RP1: variants seen among roughly 807,000 people sequenced by gnomAD.
The protein encoded by RP1 is oxygen-regulated protein 1.
Under a neutral mutation model 14.8 loss-of-function variants are expected in RP1, and 16 were observed. That is an observed-to-expected ratio of 1.08 (90% CI 0.73 to 1.65). The LOEUF is 1.65. Ranked by LOEUF, RP1 falls within the 40% of genes most tolerant of loss-of-function variation. The pLI, the probability that RP1 is intolerant of heterozygous loss-of-function variation, is 0.00. For missense variants in RP1, 2,631 were observed against 2,535.0 expected (o/e 1.04, Z -0.81); for synonymous variants, 876 against 883.6 (o/e 0.99, Z 0.15).
intron 14 of RP1, among the ~76,000 whole-genome samples, chr8:54,705,224 T>A (rs1393006974): frequency 6.6e-6 from 1 of 151,302 alleles, no homozygotes; most frequent in East Asian, 1.9e-4. Context: ...CCATTGAAAA[T>A]TGTTATACTC....
chr8:54,816,011 T>C (rs1216485916), intron 24 of RP1, among the ~76,000 whole-genome samples: 1 of 152,216 alleles, frequency 6.6e-6, no homozygotes, highest in Non-Finnish European at 1.5e-5. Flanking sequence ...ACAGATCTCT[T>C]ACCTACTAGC....
intron 5 of RP1, among the ~76,000 whole-genome samples, chr8:54,654,627 T>C (rs1806718661): frequency 6.6e-6 from 1 of 152,206 alleles, no homozygotes. Flanking sequence ...CAGACCTTAG[T>C]AGGATCAGGT....
chr8:54,837,666 C>T (rs963937640), exon 25 of RP1: 57 of 1,225,200 alleles, frequency 4.7e-5, no homozygotes, highest in Middle Eastern at 6.2e-4. Context: ...AGCACCTTTG[C>T]CAGGTATATA....
chr8:54,603,387 G>A (rs978113965), intron 1 of RP1, among the ~76,000 whole-genome samples: 38 of 152,096 alleles, frequency 2.5e-4, no homozygotes, highest in South Asian at 6.2e-4. Context: ...GTTCTGTTCC[G>A]TTGGTCTATA....
At chr8:54,828,882 C>CTTTTTTTTTTTTTTTT (rs201534661) in intron 24 of RP1, among the ~76,000 whole-genome samples, 15 of 83,902 alleles carry the variant, frequency 1.8e-4, no homozygotes, top group East Asian at 3.0e-4. Context: ...TCTTCTTCTT[C>CTTTTTTTTTTTTTTTT]TTTTTTTTTT....
In RP1 at chr8:54,630,259, G is replaced by T. The variant is rs1064797346; in HGVS notation, c.6377G>T (p.Cys2126Phe). 2 of 1,613,610 alleles carry T rather than the reference G, an allele frequency of 1.2e-6. No individual in the cohort carries two copies. The highest frequency in any genetic ancestry group is 2.2e-5 in the South Asian group (2 of 91,074). ...AGCAACAGAAATATTTTAGAACTTT[G>T]TATGTTTGAGGGTGAAAATCTTTTC... ...NISNRNILEL[C>F]MFEGENLFIW... Residue 2126 changes from cysteine to phenylalanine, a missense_variant, in exon 4 of 4, where the codon TGT becomes TTT. By Grantham distance (205) the Cys-to-Phe change is radical. Transcript: ENST00000220676.
At chr8:54,652,473 G>A (rs936224695) in intron 4 of RP1, among the ~76,000 whole-genome samples, 1 of 151,844 alleles carries the variant, frequency 6.6e-6, no homozygotes, top group South Asian at 2.1e-4. Flanking sequence ...ATAGATGTTA[G>A]GTCTAGGTGG....
chr8:54,730,469 A>G (rs940488620), intron 17 of RP1, among the ~76,000 whole-genome samples: 3 of 151,852 alleles, frequency 2.0e-5, no homozygotes, highest in Non-Finnish European at 2.9e-5. Flanking sequence ...ATATAATCTG[A>G]ACAGTTTAGA....
intron 12 of RP1, among the ~76,000 whole-genome samples, chr8:54,693,987 C>A (rs1471096943): frequency 1.3e-5 from 2 of 152,086 alleles, no homozygotes; most frequent in African/African-American, 4.8e-5. Flanking sequence ...TTTTGAGATA[C>A]ATCCCATCAA....
At chr8:54,867,750 AAAT>A (rs1301703745) in intron 28 of RP1, among the ~76,000 whole-genome samples, 7 of 152,216 alleles carry the variant, frequency 4.6e-5, no homozygotes, top group Non-Finnish European at 8.8e-5. Context: ...TAGAACTCTC[AAAT>A]AATTGACTAA....
intron 1 of RP1, among the ~76,000 whole-genome samples, chr8:54,579,958 G>T (rs1374317747): frequency 6.6e-6 from 1 of 152,152 alleles, no homozygotes; most frequent in Non-Finnish European, 1.5e-5. Context: ...CCTGGGCTAG[G>T]AGAGGACCTC....
intron 1 of RP1, among the ~76,000 whole-genome samples, chr8:54,600,774 C>T (rs1320928925): frequency 2.6e-5 from 4 of 152,174 alleles, no homozygotes; most frequent in African/African-American, 4.8e-5. Flanking sequence ...TGCCCCTTTC[C>T]TGGACCCTTG....
chr8:54,737,650 G>T (rs529042775), intron 18 of RP1, among the ~76,000 whole-genome samples: 1 of 152,234 alleles, frequency 6.6e-6, no homozygotes, highest in Admixed American at 6.5e-5. Context: ...CTTCCCAGTT[G>T]AGAACAGCAT....
chr8:54,762,066 A>G (rs1458096476), intron 22 of RP1, among the ~76,000 whole-genome samples: 1 of 152,162 alleles, frequency 6.6e-6, no homozygotes, highest in Non-Finnish European at 1.5e-5. Flanking sequence ...TGCACGCAGG[A>G]GCTGGAGTGG....
chr8:54,593,138 A>C (rs1190766953), intron 1 of RP1, among the ~76,000 whole-genome samples: 1 of 152,018 alleles, frequency 6.6e-6, no homozygotes, highest in Non-Finnish European at 1.5e-5. Context: ...AGGGGCTCTG[A>C]TTTATTCATT....
intron 12 of RP1, among the ~76,000 whole-genome samples, chr8:54,688,169 T>G (rs1807613224): frequency 6.6e-6 from 1 of 152,234 alleles, no homozygotes; most frequent in Non-Finnish European, 1.5e-5. Flanking sequence ...GTTTGTTTTT[T>G]TCCTATAAAT....
At chr8:54,764,911 G>GAA (rs71554178) in intron 22 of RP1, among the ~76,000 whole-genome samples, 16 of 112,284 alleles carry the variant, frequency 1.4e-4, no homozygotes, top group Non-Finnish European at 2.3e-4. Flanking sequence ...GAGTTAAAAA[G>GAA]AAAAAAAAAA....
chr8:54,619,261 A>G (rs145892022), intron 1 of RP1, among the ~76,000 whole-genome samples: 165 of 152,358 alleles, frequency 1.1e-3, no homozygotes, highest in African/African-American at 3.8e-3. Context: ...TTACATTTAA[A>G]TAAGATTTGC....
At chr8:54,599,579 C>T (rs1425291749) in intron 1 of RP1, among the ~76,000 whole-genome samples, 4 of 152,036 alleles carry the variant, frequency 2.6e-5, no homozygotes, top group Admixed American at 2.6e-4. Flanking sequence ...ATGGCTCAGC[C>T]TCCCGAGTAG....
Sources: allele counts gnomAD v4.1 joint callset (sites outside exome capture counted in the v4.1 genomes callset), GRCh38; gene constraint gnomAD v4.1.1; transcripts MANE v1.5; gene names NCBI Gene and HGNC (gene_info 2026-07-23, HGNC 2026-07-21).